SLC4A4: variants seen among roughly 807,000 people sequenced by gnomAD.
The protein encoded by SLC4A4 is solute carrier family 4 member 4, also known as electrogenic sodium bicarbonate cotransporter 1.
Under a neutral mutation model 111.5 loss-of-function variants are expected in SLC4A4, and 27 were observed. The observed-to-expected ratio is 0.24, with a 90% CI of 0.18 to 0.33. The LOEUF (loss-of-function observed/expected upper bound fraction) is 0.33, where lower values mean the gene tolerates loss of function less well. Among genes scored for constraint, SLC4A4 ranks in the 10% least tolerant of loss-of-function variants. SLC4A4 has a pLI of 1.00. For synonymous variants in SLC4A4, 443 were observed against 463.4 expected (o/e 0.96, Z 0.57); for missense variants, 909 against 1,315.5 (o/e 0.69, Z 4.78).
At position 71,523,899 on chromosome 4, in the gene SLC4A4, A is replaced by G. The variant is rs552255027; in HGVS notation, c.2167-8163A>G. Among the ~76,000 whole-genome samples the G allele has an allele frequency of 3.9e-5, 6 of 152,220 alleles. No homozygotes were observed. In the South Asian group the frequency reaches 1.2e-3, roughly 32 times the overall value. On this transcript the variant is annotated intron_variant, in intron 16 of 25. Transcript: ENST00000264485. ...TGATAATTTGGTCTTAATGAATTTTAGTGTTAGGACTTTAAACACCATCTA... is the reference window on the plus strand; with the variant it reads ...TGATAATTTGGTCTTAATGAATTTTGGTGTTAGGACTTTAAACACCATCTA...
intron 19 of SLC4A4, 40 bp downstream of exon 19, chr4:71,546,568 T>C (rs780697115): frequency 6.5e-7 from 1 of 1,536,240 alleles, no homozygotes; most frequent in Non-Finnish European, 9.0e-7. Flanking sequence ...GAAAACACAC[T>C]GTGCACACAT....
At chr4:71,145,950 A>C (rs1232714076) in intron 2 of SLC4A4, among the ~76,000 whole-genome samples, 3 of 152,070 alleles carry the variant, frequency 2.0e-5, no homozygotes, top group South Asian at 2.1e-4. Context: ...TATTTCCTTC[A>C]GTTCTGCTCT....
chr4:71,521,219 TC>T (rs1732901793), intron 16 of SLC4A4, among the ~76,000 whole-genome samples: 1 of 152,156 alleles, frequency 6.6e-6, no homozygotes, highest in Admixed American at 6.5e-5. Flanking sequence ...AAGATCAAAA[TC>T]TTTTTTCTTC....
At chr4:71,231,444 G>A (rs918199505) in intron 1 of SLC4A4, among the ~76,000 whole-genome samples, 13 of 152,194 alleles carry the variant, frequency 8.5e-5, no homozygotes, top group African/African-American at 3.1e-4. Flanking sequence ...GGTGAAAGCC[G>A]GTCCTTTTGG....
At chr4:71,073,458 AG>A (rs1282612421) in intron 1 of SLC4A4, among the ~76,000 whole-genome samples, 4 of 152,202 alleles carry the variant, frequency 2.6e-5, no homozygotes, top group Non-Finnish European at 5.9e-5. Context: ...GCTTTCTGCA[AG>A]GGTGCCTCAT....
At chr4:71,175,761 A>G (rs1329782702) in intron 2 of SLC4A4, among the ~76,000 whole-genome samples, 1 of 152,220 alleles carries the variant, frequency 6.6e-6, no homozygotes, top group African/African-American at 2.4e-5. Context: ...GGCAGGGCAT[A>G]GCCAAACAAA....
intron 1 of SLC4A4, among the ~76,000 whole-genome samples, chr4:71,219,547 T>C (rs1428231170): frequency 1.3e-5 from 2 of 152,244 alleles, no homozygotes; most frequent in South Asian, 4.1e-4. Context: ...CTGCAGCTCA[T>C]GGATCAAGGA....
intron 20 of SLC4A4, among the ~76,000 whole-genome samples, chr4:71,549,954 TG>T (rs1735844600): frequency 6.6e-6 from 1 of 151,896 alleles, no homozygotes; most frequent in Non-Finnish European, 1.5e-5. Context: ...GGCAGAGAGC[TG>T]TAAGAGATCA....
chr4:71,536,458 A>ATT (rs1560597740), intron 18 of SLC4A4, among the ~76,000 whole-genome samples: 7 of 16,622 alleles, frequency 4.2e-4, no homozygotes, highest in African/African-American at 9.8e-4. Context: ...ACATATATAC[A>ATT]TATATACATA....
At chr4:71,144,869 G>A (rs1269708382) in intron 2 of SLC4A4, among the ~76,000 whole-genome samples, 1 of 152,116 alleles carries the variant, frequency 6.6e-6, no homozygotes, top group Non-Finnish European at 1.5e-5. Context: ...GGGTTTTCTA[G>A]ATATACAATC....
intron 1 of SLC4A4, among the ~76,000 whole-genome samples, chr4:71,205,014 T>C (rs1717668813): frequency 6.6e-6 from 1 of 152,304 alleles, no homozygotes; most frequent in East Asian, 1.9e-4. Flanking sequence ...GGTGATGGTG[T>C]GACAGGACCT....
rs72650328 is a variant in SLC4A4 at position 71,307,539 on chromosome 4, T to C, written c.254-31831T>C. On this transcript the variant is annotated intron_variant, in intron 3 of 25. Transcript: ENST00000264485. ...ATGAGAGTAGCTGAGGAAATGGAAG[T>C]CTGTGATTTTTGATTGCCTTGTTAA... 3.7e-3 allele frequency among the ~76,000 whole-genome samples: 564 copies of C among 152,316 alleles called. 3 individuals carry two copies. The highest frequency in any genetic ancestry group is 5.8e-3 in the Admixed American group (88 of 15,302).
At chr4:71,371,859 G>GTAC (rs1731922100) in intron 6 of SLC4A4, among the ~76,000 whole-genome samples, 1 of 152,092 alleles carries the variant, frequency 6.6e-6, no homozygotes, top group African/African-American at 2.4e-5. Context: ...ATACACATTT[G>GTAC]TTGACCCTTG....
At chr4:71,090,056 T>C (rs1034797508) in intron 1 of SLC4A4, among the ~76,000 whole-genome samples, 3 of 151,894 alleles carry the variant, frequency 2.0e-5, no homozygotes, top group Non-Finnish European at 4.4e-5. Context: ...AGTTCGAGCT[T>C]CCTCGCCAGT....
chr4:71,548,343 G>A (rs1035668062), intron 20 of SLC4A4, among the ~76,000 whole-genome samples: 2 of 151,796 alleles, frequency 1.3e-5, no homozygotes, highest in Admixed American at 1.3e-4. Context: ...TAGAAAATTA[G>A]GGGTCAATAT....
At chr4:71,118,408 T>G (rs753404129) in intron 2 of SLC4A4, among the ~76,000 whole-genome samples, 4 of 152,232 alleles carry the variant, frequency 2.6e-5, no homozygotes, top group Non-Finnish European at 5.9e-5. Context: ...CATGATATTT[T>G]TGGCATGAAT....
At chr4:71,096,586 T>C (rs1742561579) in intron 2 of SLC4A4, among the ~76,000 whole-genome samples, 1 of 152,194 alleles carries the variant, frequency 6.6e-6, no homozygotes, top group African/African-American at 2.4e-5. Flanking sequence ...AAATCCATGA[T>C]GAACAAAACA....
chr4:71,337,050 G>T (rs750054460), intron 3 of SLC4A4, among the ~76,000 whole-genome samples: 1 of 152,144 alleles, frequency 6.6e-6, no homozygotes, highest in African/African-American at 2.4e-5. Flanking sequence ...CAACAAACAC[G>T]CAGTGATCAA....
chr4:71,195,903 G>A (rs1745978588), intron 1 of SLC4A4, among the ~76,000 whole-genome samples: 1 of 152,224 alleles, frequency 6.6e-6, no homozygotes, highest in South Asian at 2.1e-4. Flanking sequence ...TATTCCTAAT[G>A]TCTCTAATAC....
Sources: gnomAD v4.1 joint callset for allele counts (sites outside exome capture counted in the v4.1 genomes callset) on GRCh38, gnomAD v4.1.1 for gene constraint, MANE v1.5 for transcripts, NCBI Gene and HGNC (gene_info 2026-07-23, HGNC 2026-07-21) for gene names.